Variants in ZNF497 observed in about 807,000 individuals in gnomAD.
The protein encoded by ZNF497 is zinc finger protein 497, also known as zinc finger-like protein.
For synonymous variants in ZNF497, 422 were observed against 313.7 expected (o/e 1.35, Z -3.65); for missense variants, 930 against 714.0 (o/e 1.30, Z -3.45).
chr19:58,357,401 C>T lies in ZNF497; in HGVS notation c.235G>A (p.Gly79Ser), dbSNP rs571996461. 27 of 1,597,770 alleles carry T rather than the reference C, an allele frequency of 1.7e-5. No individual in the cohort carries two copies. Among genetic ancestry groups the T allele is most frequent in the Non-Finnish European group, 2.1e-5 (25 of 1,173,360 alleles). The change falls in exon 3 of 3, where the codon GGT becomes AGT. Residue 79 changes from glycine (G) to serine (S), a missense_variant. By Grantham distance (56) the Gly-to-Ser change is moderately conservative. Transcript: ENST00000311044. ...CTGGGCCCAGCCCCGTCCCGCCCAC[C>T]GTCTGCGGGGCCCAGCTCCCTGCCG... ...GPGRELGPAD[G>S]GRDGAGPRSE...
chr19:58,356,043 G>A lies in ZNF497; in HGVS notation c.*96C>T. The A allele has an allele frequency of 7.3e-7, 1 of 1,374,886 alleles. No individual in the cohort carries two copies. Among genetic ancestry groups the A allele is most frequent in the East Asian group, 2.6e-5 (1 of 38,706 alleles). The allele number at this position is 1,374,886 out of a possible 1,614,324, so 85.2% of individuals were successfully genotyped here. A position where few individuals can be genotyped will look rare whatever the true frequency, so the allele number is the denominator to read the frequency against. ...TCCCAGCAGGAGGGCGCCCGCACCG[G>A]CGGCCCGAAAAAGTCTGGGCCAGCA... On this transcript the variant is annotated 3_prime_UTR_variant, in exon 3 of 3. Coordinates refer to ENST00000311044, the MANE Select transcript of ZNF497 (RefSeq NM_198458.3).
chr19:58,359,130 C>T (rs778320757), intron 1 of ZNF497: 2 of 1,243,466 alleles, frequency 1.6e-6, no homozygotes, highest in South Asian at 1.2e-5. Flanking sequence ...CCTCGGGGCC[C>T]TGCTGCCTTC....
rs769677540 is a variant in ZNF497, at chr19:58,356,664, G to A, written c.972C>T (p.His324=). Residue 324 remains histidine, a synonymous_variant, in exon 3 of 3, where the codon CAC becomes CAT. Transcript: ENST00000311044. ...SSQLLQHQRT[H]TGERPFECAE... ...CGCACTCGAAGGGCCGCTCACCAGT[G>A]TGCGTGCGCTGGTGCTGCAGGAGCT... The A allele has an allele frequency of 2.6e-6, 4 of 1,551,388 alleles. No homozygotes were observed. The South Asian group carries it at 3.5e-5, about 14-fold the overall frequency.
chr19:58,359,166 G>A (rs2056489493), intron 1 of ZNF497: 1 of 1,289,644 alleles, frequency 7.8e-7, no homozygotes, highest in African/African-American at 1.5e-5. Flanking sequence ...CAGAAGCACT[G>A]GCCAGGGCTC....
Position 58,356,204 on chromosome 19 carries a change from G to C in ZNF497, c.1432C>G (p.Pro478Ala). The C allele has an allele frequency of 6.2e-7, 1 of 1,600,086 alleles. No homozygotes were observed. Residue 478 changes from proline (P) to alanine (A), a missense_variant, in exon 3 of 3, where the codon CCT becomes GCT. Physicochemically the swap from Pro to Ala is conservative, Grantham distance 27. Coordinates refer to ENST00000311044, the MANE Select transcript of ZNF497 (RefSeq NM_198458.3). ...TTGAGGTTGCAACGGTGGCTGAAAG[G>C]CTTCCCGCACTCGCCGCAAGCGTAG... ...RPYACGECGK[P>A]FSHRCNLNEH...
intron 1 of ZNF497, chr19:58,359,362 C>T (rs1207107468): frequency 3.4e-6 from 3 of 872,890 alleles, no homozygotes; most frequent in South Asian, 2.7e-5. Flanking sequence ...ACAGCAAGGC[C>T]ACGAAGGTCC....
Position 58,356,895 on chromosome 19 carries a change from G to A in ZNF497, c.741C>T (p.Ala247=), listed in dbSNP as rs1401234102. 2.5e-6 allele frequency: 4 copies of A among 1,585,776 alleles called. No homozygotes were observed. The highest frequency in any genetic ancestry group is 2.2e-5 in the South Asian group (2 of 89,634). The change falls in exon 3 of 3, where the codon GCC becomes GCT. Residue 247 remains alanine (A), a synonymous_variant. Coordinates refer to ENST00000311044, the MANE Select transcript of ZNF497 (RefSeq NM_198458.3). The stretch of plus-strand genomic sequence containing the variant: ...TGAAGGCCTTGCCACAGTCCCGGCA[G>A]GCGTGCGGCCGCGCGCCCGTGTGCA... ...RRVHTGARPH[A]CRDCGKAFSQ...
rs765476866 is a variant in ZNF497, at chr19:58,356,232, C to A, written c.1404G>T (p.Arg468Ser). ...LSHRRTHTGE[R>S]PYACGECGKP... ...TCCCGCACTCGCCGCAAGCGTAGGG[C>A]CTCTCGCCCGTGTGCGTGCGCCGGT... The change falls in exon 3 of 3, where the codon AGG becomes AGT. Residue 468 changes from arginine (R) to serine (S), a missense_variant. Transcript: ENST00000311044. 21 of 1,607,598 alleles carry A rather than the reference C, an allele frequency of 1.3e-5. No homozygotes were observed. The South Asian group carries it at 2.3e-4, about 18-fold the overall frequency.
intron 1 of ZNF497, chr19:58,359,390 G>C (rs1170274882): frequency 5.3e-6 from 3 of 567,260 alleles, no homozygotes; most frequent in South Asian, 4.5e-5. Context: ...GGGACCACCT[G>C]AGACTGAGTA....
In ZNF497 at chr19:58,355,353, A is replaced by T. The variant is rs531362561; in HGVS notation, c.*786T>A. The T allele has an allele frequency of 1.3e-5, 2 of 152,320 alleles. No individual in the cohort carries two copies. Among genetic ancestry groups the T allele is most frequent in the African/African-American group, 4.8e-5 (2 of 41,560 alleles). The allele number at this position is 152,320 out of a possible 1,614,324, so 9.4% of individuals were successfully genotyped here. A position where few individuals can be genotyped will look rare whatever the true frequency, so the allele number is the denominator to read the frequency against. On this transcript the variant is annotated 3_prime_UTR_variant, in exon 3 of 3. Coordinates refer to ENST00000311044, the MANE Select transcript of ZNF497 (RefSeq NM_198458.3). ...TGGTGAGACACTGTCCTTACAAAAA[A>T]TTTTAAAATTAGCCAGGTGTAGTGA...
At position 58,356,526 on chromosome 19, in the gene ZNF497, G is replaced by T. The variant is rs377735204; in HGVS notation, c.1110C>A (p.Arg370=). 16 of 1,549,026 alleles carry T rather than the reference G, an allele frequency of 1.0e-5. No individual in the cohort carries two copies. The highest frequency in any genetic ancestry group is 4.7e-5 in the South Asian group (4 of 85,066). ...CAQCGKAFSQ[R]SNLLSHRRTH... is the part of the protein sequence containing the mutation. ...TGCGCCGGTGGCTCAGTAGGTTGGAGCGCTGGCTGAAGGCCTTGCCGCACT... is the reference window on the plus strand; with the variant it reads ...TGCGCCGGTGGCTCAGTAGGTTGGATCGCTGGCTGAAGGCCTTGCCGCACT... The change falls in exon 3 of 3, where the codon CGC becomes CGA. Residue 370 remains arginine (R), a synonymous_variant. Coordinates refer to ENST00000311044, the MANE Select transcript of ZNF497 (RefSeq NM_198458.3).
In ZNF497 at chr19:58,356,592, G is replaced by C; in HGVS notation, c.1044C>G (p.His348Gln). Residue 348 changes from histidine to glutamine, a missense_variant, in exon 3 of 3, where the codon CAC (histidine) becomes CAG (glutamine). Coordinates refer to ENST00000311044, the MANE Select transcript of ZNF497 (RefSeq NM_198458.3). ...AFVMGSYLAE[H>Q]RRVHTGEKPH... Reference sequence around the variant, plus strand: ...GCTTCTCGCCCGTGTGCACGCGCCGGTGCTCCGCCAGGTAGGAGCCCATGA... The same window carrying C: ...GCTTCTCGCCCGTGTGCACGCGCCGCTGCTCCGCCAGGTAGGAGCCCATGA... 1 of 1,546,608 alleles carries C rather than the reference G, an allele frequency of 6.5e-7. No individual in the cohort carries two copies. The highest frequency in any genetic ancestry group is 8.7e-7 in the Non-Finnish European group (1 of 1,150,778).
intron 1 of ZNF497, among the ~76,000 whole-genome samples, chr19:58,361,071 G>C (rs536644129): frequency 5.3e-5 from 8 of 151,854 alleles, no homozygotes; most frequent in East Asian, 1.9e-4. Context: ...CGTGAGCCAC[G>C]GCACCCGGCC....
At chr19:58,358,345 C>T in intron 2 of ZNF497, 144 bp downstream of exon 2, 1 of 1,243,876 alleles carries the variant, frequency 8.0e-7, no homozygotes, top group Non-Finnish European at 1.0e-6. Context: ...CCATGCCTGC[C>T]TGTCCAGCCG....
At position 58,357,126 on chromosome 19, in the gene ZNF497, G is replaced by T. The variant is rs376687155; in HGVS notation, c.510C>A (p.Ala170=). 506 of 1,598,938 alleles carry T rather than the reference G, an allele frequency of 3.2e-4. 11 individuals are homozygous for T. In the South Asian group the frequency reaches 4.7e-3, roughly 15 times the overall value. Residue 170 remains alanine (A), a synonymous_variant, in exon 3 of 3, where the codon GCC becomes GCA. Transcript: ENST00000311044. ...GGATGAGCTGCGAGTGCGCGCGGAA[G>T]GCCTTGCCGCACTCCCTGCAAGCGT... is the stretch of plus-strand genomic sequence containing the variant. ...KPYACRECGK[A]FRAHSQLIHH...
chr19:58,362,264 G>C (rs548788880), intron 1 of ZNF497, among the ~76,000 whole-genome samples: 1 of 152,354 alleles, frequency 6.6e-6, no homozygotes, highest in African/African-American at 2.4e-5. Context: ...GGCCTGTGCG[G>C]GCAGCTCCGG....
chr19:58,356,893 C>A lies in ZNF497; in HGVS notation c.743G>T (p.Cys248Phe). 1.9e-6 allele frequency: 3 copies of A among 1,593,416 alleles called. No individual in the cohort carries two copies. The highest frequency in any genetic ancestry group is 2.3e-5 in the East Asian group (1 of 44,196). ...GCTGAAGGCCTTGCCACAGTCCCGGCAGGCGTGCGGCCGCGCGCCCGTGTG... is the reference window on the plus strand; with the variant it reads ...GCTGAAGGCCTTGCCACAGTCCCGGAAGGCGTGCGGCCGCGCGCCCGTGTG... ...RVHTGARPHA[C>F]RDCGKAFSQS... The change falls in exon 3 of 3, where the codon TGC becomes TTC. Residue 248 changes from cysteine to phenylalanine, a missense_variant. Coordinates refer to ENST00000311044, the MANE Select transcript of ZNF497 (RefSeq NM_198458.3).
chr19:58,358,642 AAAC>A (rs2052055671), intron 1 of ZNF497, 57 bp from the exon 2 acceptor site: 1 of 947,136 alleles, frequency 1.1e-6, no homozygotes, highest in Non-Finnish European at 1.4e-6. Context: ...AGATCTGAGA[AAAC>A]AAGGGGCATG....
intron 1 of ZNF497, among the ~76,000 whole-genome samples, chr19:58,360,368 T>A (rs1436849801): frequency 1.3e-5 from 2 of 151,872 alleles, no homozygotes; most frequent in Admixed American, 1.3e-4. Context: ...TTCTTTTTCT[T>A]TTTCTTTTTT....
Sources: gnomAD v4.1 joint callset for allele counts (sites outside exome capture counted in the v4.1 genomes callset) on GRCh38, gnomAD v4.1.1 for gene constraint, MANE v1.5 for transcripts, NCBI Gene and HGNC (gene_info 2026-07-23, HGNC 2026-07-21) for gene names.